WDR64: variants seen among roughly 807,000 people sequenced by gnomAD.
The protein encoded by WDR64 is WD repeat-containing protein 64.
WDR64 carries 112 observed loss-of-function variants against 139.3 expected under a neutral mutation model. The ratio of observed to expected loss-of-function variants is 0.80; its 90% CI spans 0.69 to 0.94. The LOEUF is 0.94. Among genes scored for constraint, WDR64 ranks in the 40% least tolerant of loss-of-function variants. The pLI is 0.00. For synonymous variants in WDR64, 444 were observed against 437.7 expected, an observed-to-expected ratio of 1.01 and a Z score of -0.18; for missense variants, 1,206 against 1,293.1, an observed-to-expected ratio of 0.93 and a Z score of 1.03.
At chr1:241,800,267 T>G (rs536335849) in intron 27 of WDR64, among the ~76,000 whole-genome samples, 1 of 152,298 alleles carries the variant, frequency 6.6e-6, no homozygotes, top group Non-Finnish European at 1.5e-5. Flanking sequence ...GATCCGTAAG[T>G]GGTTGAATCT....
intron 8 of WDR64, among the ~76,000 whole-genome samples, chr1:241,695,065 T>C (rs1250061869): frequency 6.6e-6 from 1 of 152,212 alleles, no homozygotes; most frequent in East Asian, 1.9e-4. Flanking sequence ...GGCAAGCCTG[T>C]TGTTAAACAT....
chr1:241,688,365 C>T (rs1199588368), intron 8 of WDR64, among the ~76,000 whole-genome samples: 1 of 152,126 alleles, frequency 6.6e-6, no homozygotes, highest in Non-Finnish European at 1.5e-5. Flanking sequence ...TTGATTGTTA[C>T]ACAATTCTCT....
At chr1:241,790,337 C>A (rs7528429) in intron 24 of WDR64, among the ~76,000 whole-genome samples, 1 of 151,774 alleles carries the variant, frequency 6.6e-6, no homozygotes, top group African/African-American at 2.4e-5. Context: ...GGTGACAGAG[C>A]GAGACCCTGT....
intron 8 of WDR64, among the ~76,000 whole-genome samples, chr1:241,696,422 A>T (rs1301098772): frequency 2.0e-5 from 3 of 152,176 alleles, no homozygotes; most frequent in African/African-American, 7.2e-5. Flanking sequence ...AAGTCAAAGC[A>T]AATTTATTAA....
At chr1:241,742,901 A>G (rs1669602702) in intron 12 of WDR64, among the ~76,000 whole-genome samples, 1 of 152,110 alleles carries the variant, frequency 6.6e-6, no homozygotes, top group Non-Finnish European at 1.5e-5. Flanking sequence ...TCCGGCAGTG[A>G]TGGCTGGAGG....
At chr1:241,768,338 C>T (rs150105344) in intron 16 of WDR64, among the ~76,000 whole-genome samples, 5 of 152,274 alleles carry the variant, frequency 3.3e-5, no homozygotes, top group African/African-American at 1.2e-4. Flanking sequence ...CATTTAGGCC[C>T]AGGTTTAAAA....
At chr1:241,771,228 T>C (rs190808047) in intron 18 of WDR64, among the ~76,000 whole-genome samples, 58 of 152,344 alleles carry the variant, frequency 3.8e-4, no homozygotes, top group African/African-American at 1.4e-3. Flanking sequence ...TAAACTTACA[T>C]GGAAGCAAAA....
At chr1:241,767,233 C>A (rs1201010032) in intron 16 of WDR64, among the ~76,000 whole-genome samples, 1 of 152,176 alleles carries the variant, frequency 6.6e-6, no homozygotes, top group Non-Finnish European at 1.5e-5. Context: ...CAGATTGGGG[C>A]TAACAAGGGC....
intron 8 of WDR64, among the ~76,000 whole-genome samples, chr1:241,705,410 CG>C (rs1485311251): frequency 2.0e-5 from 3 of 151,392 alleles, no homozygotes. Context: ...GGCATGGTGG[CG>C]GGCGCCTGTA....
chr1:241,702,344 T>G (rs1477073007), intron 8 of WDR64, among the ~76,000 whole-genome samples: 1 of 152,184 alleles, frequency 6.6e-6, no homozygotes, highest in Non-Finnish European at 1.5e-5. Flanking sequence ...CCATTAGTTC[T>G]TCTTACCTCA....
At chr1:241,727,328 T>G (rs187390510) in intron 10 of WDR64, among the ~76,000 whole-genome samples, 147 of 152,318 alleles carry the variant, frequency 9.7e-4, no homozygotes, top group Middle Eastern at 3.4e-3. Flanking sequence ...TAGCAAAAGT[T>G]GAGATCATTC....
chr1:241,712,038 T>C (rs1668191409), intron 9 of WDR64, among the ~76,000 whole-genome samples, 157 bp downstream of exon 9: 1 of 152,256 alleles, frequency 6.6e-6, no homozygotes, highest in Admixed American at 6.5e-5. Context: ...TTTGATAACA[T>C]ACTTAGAAAA....
chr1:241,755,208 T>C, intron 14 of WDR64, among the ~76,000 whole-genome samples: 1 of 152,214 alleles, frequency 6.6e-6, no homozygotes, highest in Admixed American at 6.5e-5. Flanking sequence ...GCATTCCTAT[T>C]TCTCCATATC....
At chr1:241,694,045 G>T (rs1667397759) in intron 8 of WDR64, among the ~76,000 whole-genome samples, 1 of 151,904 alleles carries the variant, frequency 6.6e-6, no homozygotes. Context: ...TGAGTAGCCT[G>T]TCCCCCTAAC....
intron 10 of WDR64, among the ~76,000 whole-genome samples, chr1:241,734,640 A>G (rs572485793): frequency 1.3e-5 from 2 of 152,298 alleles, no homozygotes; most frequent in African/African-American, 4.8e-5. Context: ...AGAATACATA[A>G]GACATTGGGA....
chr1:241,681,542 G>C (rs1479895476), intron 6 of WDR64, among the ~76,000 whole-genome samples: 1 of 152,142 alleles, frequency 6.6e-6, no homozygotes, highest in African/African-American at 2.4e-5. Context: ...ATTTGGGTTG[G>C]TTTCACATTT....
intron 8 of WDR64, among the ~76,000 whole-genome samples, chr1:241,696,904 A>T (rs555976197): frequency 6.6e-6 from 1 of 152,196 alleles, no homozygotes; most frequent in Admixed American, 6.5e-5. Flanking sequence ...ACTCAGCCTT[A>T]TTTTACCCAG....
At chr1:241,663,726 A>C (rs1665923774) in intron 2 of WDR64, among the ~76,000 whole-genome samples, 1 of 152,254 alleles carries the variant, frequency 6.6e-6, no homozygotes, top group Non-Finnish European at 1.5e-5. Flanking sequence ...TTAGAAATTC[A>C]GCTCCACAGT....
chr1:241,778,359 T>C (rs1187680096), intron 21 of WDR64, among the ~76,000 whole-genome samples: 1 of 152,192 alleles, frequency 6.6e-6, no homozygotes, highest in African/African-American at 2.4e-5. Flanking sequence ...TATATCTTTT[T>C]CTACTCCTTT....
Sources: gnomAD v4.1 joint callset for allele counts (sites outside exome capture counted in the v4.1 genomes callset) on GRCh38, gnomAD v4.1.1 for gene constraint, MANE v1.5 for transcripts, NCBI Gene and HGNC (gene_info 2026-07-23, HGNC 2026-07-21) for gene names.